Variants in NADSYN1 observed in about 807,000 individuals in gnomAD.
The protein encoded by NADSYN1 is NAD synthetase 1, also known as glutamine-dependent NAD(+) synthetase.
NADSYN1 carries 80 observed loss-of-function variants against 99.3 expected under a neutral mutation model. The observed-to-expected ratio is 0.81, with a 90% CI of 0.67 to 0.97. The LOEUF is 0.97. NADSYN1 is among the 50% of genes least tolerant of loss of function. NADSYN1 has a pLI of 0.00. For missense variants in NADSYN1, 859 were observed against 948.5 expected (o/e 0.91, Z 1.24); for synonymous variants, 385 against 372.1 (o/e 1.03, Z -0.40).
intron 3 of NADSYN1, among the ~76,000 whole-genome samples, chr11:71,461,692 G>C (rs946285693): frequency 6.6e-6 from 1 of 152,168 alleles, no homozygotes; most frequent in African/African-American, 2.4e-5. Context: ...CTCCCAAAGT[G>C]CTGGGATTAC....
In NADSYN1 at chr11:71,491,849, G is replaced by A. The variant is rs141669665; in HGVS notation, c.1710G>A (p.Pro570=). The change falls in exon 18 of 21, where the codon CCG becomes CCA. Residue 570 remains proline, a synonymous_variant. Transcript: ENST00000319023. The part of the protein sequence containing the change: ...LPALQSILLA[P]ATAELEPLAD... ...TTGGCTGCAGCATCCTGTTGGCGCC[G>A]GCCACCGCAGAGCTGGAGCCCTTGG... The A allele has an allele frequency of 1.4e-4, 218 of 1,613,938 alleles. No individual in the cohort carries two copies. The highest frequency in any genetic ancestry group is 1.7e-4 in the Non-Finnish European group (199 of 1,179,982).
At chr11:71,500,404 G>A (rs936054918) in intron 20 of NADSYN1, among the ~76,000 whole-genome samples, 10 of 152,078 alleles carry the variant, frequency 6.6e-5, no homozygotes, top group South Asian at 2.1e-4. Context: ...GACATTAGGC[G>A]ATGACTGGAG....
At chr11:71,469,376 G>T (rs1391382710) in intron 5 of NADSYN1, among the ~76,000 whole-genome samples, 1 of 152,158 alleles carries the variant, frequency 6.6e-6, no homozygotes, top group African/African-American at 2.4e-5. Flanking sequence ...GACCAGCTTG[G>T]TTGTGGAGAC....
chr11:71,472,395 T>G (rs1180161720), intron 5 of NADSYN1, 54 bp from the exon 6 acceptor site: 1 of 1,427,494 alleles, frequency 7.0e-7, no homozygotes, highest in Non-Finnish European at 9.9e-7. Context: ...TAGCCGCCAT[T>G]CCTCATTTGT....
At chr11:71,498,331 C>T (rs760423739) in intron 19 of NADSYN1, 21 bp from the exon 20 acceptor site, 11 of 1,613,076 alleles carry the variant, frequency 6.8e-6, no homozygotes, top group Middle Eastern at 1.7e-4. Context: ...ACATGAAGCT[C>T]GTGTGTTGCA....
chr11:71,481,217 G>A (rs1461298974), intron 11 of NADSYN1, 139 bp from the exon 12 acceptor site: 2 of 838,238 alleles, frequency 2.4e-6, no homozygotes, highest in Non-Finnish European at 2.0e-6. Context: ...CTCACGAGGT[G>A]CCTAAAGCAG....
intron 18 of NADSYN1, among the ~76,000 whole-genome samples, chr11:71,494,685 G>T (rs1344275281): frequency 6.6e-6 from 1 of 152,270 alleles, no homozygotes; most frequent in East Asian, 1.9e-4. Flanking sequence ...CTCCCGAGTA[G>T]CTGGGATTTA....
At chr11:71,489,353 CT>C (rs1326481164) in intron 16 of NADSYN1, among the ~76,000 whole-genome samples, 1 of 152,148 alleles carries the variant, frequency 6.6e-6, no homozygotes, top group Non-Finnish European at 1.5e-5. Flanking sequence ...AATTTTCCCC[CT>C]ATAACCGTGC....
rs373722606 is a variant in NADSYN1, at chr11:71,482,157, G to A, written c.1150+132G>A. On this transcript the variant is annotated intron_variant, in intron 13 of 20. Transcript: ENST00000319023. ...GGGGTGAAGGGGGCTTTGTGGCCAC[G>A]CACAAATGTCACAGCATCACATCCC... 3.0e-5 allele frequency: 23 copies of A among 754,280 alleles called. 1 individual carries two copies. Among genetic ancestry groups the A allele is most frequent in the South Asian group, 8.8e-5 (5 of 56,746 alleles). 46.7% of individuals were successfully genotyped at this position (754,280 alleles called of 1,614,324 possible). A position where few individuals can be genotyped will look rare whatever the true frequency, so the allele number is the denominator to read the frequency against.
intron 13 of NADSYN1, among the ~76,000 whole-genome samples, chr11:71,482,520 G>A (rs1470567477): frequency 1.3e-5 from 2 of 150,768 alleles, no homozygotes; most frequent in Admixed American, 6.6e-5. Context: ...ACCTGGGGGT[G>A]TAGACCGGGG....
chr11:71,471,986 A>T (rs1246586973), intron 5 of NADSYN1, among the ~76,000 whole-genome samples: 1 of 152,142 alleles, frequency 6.6e-6, no homozygotes, highest in African/African-American at 2.4e-5. Flanking sequence ...GTTGGTATTA[A>T]ACCCTCCTCC....
chr11:71,462,516 T>C (rs1245020384), intron 3 of NADSYN1, among the ~76,000 whole-genome samples: 1 of 152,146 alleles, frequency 6.6e-6, no homozygotes, highest in Non-Finnish European at 1.5e-5. Context: ...CCCTGAAATG[T>C]GTACAAGCAG....
chr11:71,491,268 C>T (rs1310539128), intron 17 of NADSYN1, among the ~76,000 whole-genome samples: 3 of 152,272 alleles, frequency 2.0e-5, no homozygotes, highest in Non-Finnish European at 4.4e-5. Context: ...CGAGGCTCGC[C>T]ACATCTGAGC....
Position 71,480,842 on chromosome 11 carries a change from A to C in NADSYN1, c.961A>C (p.Ile321Leu). The change falls in exon 11 of 21, where the codon ATC (isoleucine) becomes CTC (leucine). Residue 321 changes from isoleucine to leucine, a missense_variant. Coordinates refer to ENST00000319023, the MANE Select transcript of NADSYN1 (RefSeq NM_018161.5). ...EDLLAPISEP[I>L]EWKYHSPEEE... Reference sequence around the variant, plus strand: ...CTTGCTGGCACCCATCTCTGAGCCCATCGAGTGGAAATACCACAGCCCTGA... The same window carrying C: ...CTTGCTGGCACCCATCTCTGAGCCCCTCGAGTGGAAATACCACAGCCCTGA... 1 of 1,614,172 alleles carries C rather than the reference A, an allele frequency of 6.2e-7. No homozygotes were observed. The highest frequency in any genetic ancestry group is 8.5e-7 in the Non-Finnish European group (1 of 1,180,018).
intron 13 of NADSYN1, 57 bp from the exon 14 acceptor site, chr11:71,482,792 T>C (rs1949718029): frequency 1.3e-6 from 2 of 1,586,022 alleles, no homozygotes; most frequent in East Asian, 4.5e-5. Context: ...GGTGGAACTA[T>C]GTAAACATCC....
intron 20 of NADSYN1, 115 bp downstream of exon 20, chr11:71,498,643 T>C: frequency 1.7e-6 from 2 of 1,165,826 alleles, no homozygotes; most frequent in Non-Finnish European, 2.4e-6. Context: ...TTTTTTACTG[T>C]CCTCCTTTCT....
In NADSYN1 at chr11:71,483,065, C is replaced by CA. The variant is rs1565603923; in HGVS notation, c.1319+49dup. ...GGCATGGCAGGTGGCTGACAGAGCTCAGAGTCACTGGAAGCTCCGCCTGTG... is the reference window on the plus strand; with the variant it reads ...GGCATGGCAGGTGGCTGACAGAGCTCAAGAGTCACTGGAAGCTCCGCCTGTG... On this transcript the variant is annotated intron_variant, in intron 14 of 20. Transcript: ENST00000319023. 1.9e-6 allele frequency: 3 copies of CA among 1,606,050 alleles called. No individual in the cohort carries two copies. In the East Asian group the frequency reaches 6.7e-5, roughly 36 times the overall value.
intron 5 of NADSYN1, 141 bp from the exon 6 acceptor site, chr11:71,472,308 T>C: frequency 1.4e-6 from 1 of 722,334 alleles, no homozygotes; most frequent in Non-Finnish European, 2.5e-6. Flanking sequence ...GATTGTTTAT[T>C]GCATTGGGGG....
intron 12 of NADSYN1, 99 bp from the exon 13 acceptor site, chr11:71,481,824 G>A (rs1949709882): frequency 1.9e-6 from 2 of 1,041,020 alleles, no homozygotes; most frequent in Non-Finnish European, 2.8e-6. Flanking sequence ...GTGCATTTCT[G>A]TGGACGCCTC....
Sources: gnomAD v4.1 joint callset for allele counts (sites outside exome capture counted in the v4.1 genomes callset) on GRCh38, gnomAD v4.1.1 for gene constraint, MANE v1.5 for transcripts, NCBI Gene and HGNC (gene_info 2026-07-23, HGNC 2026-07-21) for gene names.